PLCL2: variants seen among roughly 807,000 people sequenced by gnomAD.
The protein encoded by PLCL2 is inactive phospholipase C-like protein 2.
In PLCL2, 4 loss-of-function variants were observed where a neutral mutation model predicts 79.6. The ratio of observed to expected loss-of-function variants is 0.05; its 90% CI spans 0.02 to 0.11. The LOEUF is 0.11. PLCL2 is among the 10% of genes least tolerant of loss of function. The pLI, the probability that PLCL2 is intolerant of heterozygous loss-of-function variation, is 1.00. For synonymous variants in PLCL2, 484 were observed against 457.7 expected (o/e 1.06, Z -0.73); for missense variants, 895 against 1,291.0 (o/e 0.69, Z 4.70).
At chr3:17,019,878 A>C in intron 3 of PLCL2, among the ~76,000 whole-genome samples, 1 of 152,220 alleles carries the variant, frequency 6.6e-6, no homozygotes, top group East Asian at 1.9e-4. Flanking sequence ...TTGTTCGCTC[A>C]TGTAATTAAG....
intron 1 of PLCL2, among the ~76,000 whole-genome samples, chr3:16,944,733 G>T (rs2063584332): frequency 1.3e-5 from 2 of 151,254 alleles, no homozygotes; most frequent in African/African-American, 4.9e-5. Flanking sequence ...GAGGACTTTA[G>T]TTAATAAAAA....
intron 1 of PLCL2, among the ~76,000 whole-genome samples, chr3:16,938,898 A>T (rs1313328483): frequency 6.6e-6 from 1 of 152,246 alleles, no homozygotes; most frequent in Non-Finnish European, 1.5e-5. Flanking sequence ...AAATATGAAG[A>T]AAATTTATAT....
Position 17,010,819 on chromosome 3 carries a change from C to T in PLCL2, c.1473C>T (p.Thr491=). The T allele has an allele frequency of 6.2e-7, 1 of 1,614,160 alleles. No individual in the cohort carries two copies. The highest frequency in any genetic ancestry group is 8.5e-7 in the Non-Finnish European group (1 of 1,180,010). ...TAATTTACACAGGCCACACCATGAC[C>T]TCTCAGATAGTTTTCCGCAGTGTCA... is the stretch of plus-strand genomic sequence containing the variant. The part of the protein sequence containing the change: ...EPVIYTGHTM[T]SQIVFRSVID... The change falls in exon 2 of 6, where the codon ACC becomes ACT. Residue 491 remains threonine, a synonymous_variant. Coordinates refer to ENST00000615277, the MANE Select transcript of PLCL2 (RefSeq NM_001144382.2). This position sits in a 1 kb window ranked among gnomAD's most constrained non-coding sequence, Gnocchi z 5.8.
At chr3:16,972,955 T>A (rs1258355468) in intron 1 of PLCL2, among the ~76,000 whole-genome samples, 1 of 152,192 alleles carries the variant, frequency 6.6e-6, no homozygotes, top group Non-Finnish European at 1.5e-5. Context: ...CTCTGTGCCT[T>A]TTAATTGGGA....
At chr3:17,066,267 T>G (rs979291250) in intron 4 of PLCL2, among the ~76,000 whole-genome samples, 4 of 152,298 alleles carry the variant, frequency 2.6e-5, no homozygotes, top group African/African-American at 4.8e-5. Flanking sequence ...ATCTTACTAG[T>G]TACTGTTCTT....
chr3:16,929,115 G>A (rs376803792), intron 1 of PLCL2, among the ~76,000 whole-genome samples: 150,636 of 151,820 alleles, frequency 0.99, 74,742 homozygotes, highest in Middle Eastern at 1. Context: ...TGAGCGGTGA[G>A]GATACCTGCG....
At chr3:17,075,729 A>G (rs1412513038) in intron 5 of PLCL2, among the ~76,000 whole-genome samples, 1 of 152,106 alleles carries the variant, frequency 6.6e-6, no homozygotes, top group African/African-American at 2.4e-5. Flanking sequence ...TTCTATCTCT[A>G]TAGTTTGACC....
intron 3 of PLCL2, among the ~76,000 whole-genome samples, chr3:17,019,291 A>AT (rs1034678033): frequency 2.6e-5 from 4 of 152,198 alleles, no homozygotes; most frequent in African/African-American, 9.7e-5. Flanking sequence ...GTCCTTGCAC[A>AT]TTTTTGAGCA....
At chr3:17,004,005 A>C (rs1451044012) in intron 1 of PLCL2, among the ~76,000 whole-genome samples, 2 of 152,224 alleles carry the variant, frequency 1.3e-5, no homozygotes, top group East Asian at 3.9e-4. Flanking sequence ...AATTCCTTAA[A>C]ATTTTATCTG....
At chr3:17,065,347 C>T (rs1158034677) in intron 4 of PLCL2, among the ~76,000 whole-genome samples, 1 of 152,160 alleles carries the variant, frequency 6.6e-6, no homozygotes, top group Non-Finnish European at 1.5e-5. Flanking sequence ...ATCTTCAAGT[C>T]CCCAATCCTT....
chr3:17,043,990 A>G (rs2064755623), intron 4 of PLCL2: 1 of 152,230 alleles, frequency 6.6e-6, no homozygotes, highest in Non-Finnish European at 1.5e-5. Context: ...AATTATTAAC[A>G]CAATCTGCAA....
chr3:17,009,634 A>G lies in PLCL2; in HGVS notation c.328-40A>G, dbSNP rs2064298751. ...CATAATCTTGAACATAGAAACCTAT[A>G]TTTATGTTATTCTAATATACGGTCT... On this transcript the variant is annotated intron_variant, in intron 1 of 5. Coordinates refer to ENST00000615277, the MANE Select transcript of PLCL2 (RefSeq NM_001144382.2). The surrounding 1 kb of genome is among the most constrained non-coding windows in gnomAD (Gnocchi z 4.0). 9.5e-7 allele frequency: 1 copy of G among 1,055,008 alleles called. No homozygotes were observed. Among genetic ancestry groups the G allele is most frequent in the East Asian group, 2.6e-5 (1 of 39,176 alleles). The allele number at this position is 1,055,008 out of a possible 1,614,324, so 65.4% of individuals were successfully genotyped here. A position where few individuals can be genotyped will look rare whatever the true frequency, so the allele number is the denominator to read the frequency against.
intron 1 of PLCL2, among the ~76,000 whole-genome samples, chr3:16,885,963 C>G (rs1241703735): frequency 6.6e-6 from 1 of 152,162 alleles, no homozygotes; most frequent in East Asian, 1.9e-4. Flanking sequence ...CTCAAAAGCT[C>G]AGAGATTACA....
chr3:16,934,360 T>C (rs1371638332), intron 1 of PLCL2, among the ~76,000 whole-genome samples: 4 of 152,100 alleles, frequency 2.6e-5, no homozygotes, highest in Non-Finnish European at 5.9e-5. Context: ...CCCTGGAGAA[T>C]GTGAGGAACA....
chr3:16,891,732 C>T (rs1049396378), intron 1 of PLCL2, among the ~76,000 whole-genome samples: 6 of 152,176 alleles, frequency 3.9e-5, no homozygotes, highest in Non-Finnish European at 7.3e-5. Flanking sequence ...TCAGCTTGGA[C>T]GATAAATAAT....
chr3:16,991,478 C>T (rs1010598729), intron 1 of PLCL2, among the ~76,000 whole-genome samples: 3 of 152,090 alleles, frequency 2.0e-5, no homozygotes, highest in Non-Finnish European at 4.4e-5. Flanking sequence ...GTTTTATTCT[C>T]CATACTTTAT....
At chr3:16,899,332 T>C (rs1008159474) in intron 1 of PLCL2, among the ~76,000 whole-genome samples, 2 of 152,226 alleles carry the variant, frequency 1.3e-5, no homozygotes, top group African/African-American at 4.8e-5. Flanking sequence ...AGTCCAGCCT[T>C]AGGCTTTTCT....
intron 3 of PLCL2, among the ~76,000 whole-genome samples, chr3:17,032,673 C>T (rs951865767): frequency 6.6e-6 from 1 of 152,090 alleles, no homozygotes; most frequent in Non-Finnish European, 1.5e-5. Context: ...CCATGCAGTG[C>T]GCATTGGACA....
At chr3:17,054,382 T>G (rs2064873119) in intron 4 of PLCL2, among the ~76,000 whole-genome samples, 1 of 152,174 alleles carries the variant, frequency 6.6e-6, no homozygotes, top group Non-Finnish European at 1.5e-5. Flanking sequence ...TTCCAAACTT[T>G]CCCTCATCTT....
Sources: gnomAD v4.1 joint callset for allele counts (sites outside exome capture counted in the v4.1 genomes callset) on GRCh38, gnomAD v4.1.1 for gene constraint, Gnocchi (gnomAD v3.1) non-coding constraint, MANE v1.5 for transcripts, NCBI Gene and HGNC (gene_info 2026-07-23, HGNC 2026-07-21) for gene names.